The following UBXN2A variants were observed in gnomAD, a reference collection of about 807,000 sequenced individuals.
UBXN2A encodes UBX domain protein 2A.
In UBXN2A, 28 loss-of-function variants were observed where a neutral mutation model predicts 28.4. That is an observed-to-expected ratio of 0.99 (90% CI 0.73 to 1.35). UBXN2A has a LOEUF of 1.35. Among genes scored for constraint, UBXN2A ranks in the 40% most tolerant of loss-of-function variants. The pLI is 0.00. For synonymous variants in UBXN2A, 97 were observed against 103.6 expected (o/e 0.94, Z 0.39); for missense variants, 253 against 297.9 (o/e 0.85, Z 1.11).
At chr2:23,931,332 A>G (rs1705362336) in intron 1 of UBXN2A, among the ~76,000 whole-genome samples, 1 of 151,980 alleles carries the variant, frequency 6.6e-6, no homozygotes, top group South Asian at 2.1e-4. Context: ...ATGTAATCGC[A>G]GATATTCGGA....
At chr2:23,978,216 C>T (rs1352094138) in intron 4 of UBXN2A, among the ~76,000 whole-genome samples, 1 of 152,182 alleles carries the variant, frequency 6.6e-6, no homozygotes, top group Non-Finnish European at 1.5e-5. Flanking sequence ...TAAGTATTTT[C>T]TAATACCTCA....
chr2:23,996,088 T>A (rs1708521079), intron 6 of UBXN2A, among the ~76,000 whole-genome samples: 1 of 138,654 alleles, frequency 7.2e-6, no homozygotes. Context: ...TTTTTTTGAG[T>A]CAGAGTCTTG....
chr2:23,936,117 G>A (rs1487936095), upstream of UBXN2A, among the ~76,000 whole-genome samples: 1 of 152,012 alleles, frequency 6.6e-6, no homozygotes, highest in African/African-American at 2.4e-5. Flanking sequence ...TTAAAAAATT[G>A]AAAGTAAGGA....
At chr2:23,968,205 A>G (rs1356071247) in intron 2 of UBXN2A, among the ~76,000 whole-genome samples, 1 of 152,210 alleles carries the variant, frequency 6.6e-6, no homozygotes, top group African/African-American at 2.4e-5. Flanking sequence ...GGTCTCTGGC[A>G]AATTTCTTAA....
At chr2:23,980,099 A>G (rs1055465426) in intron 4 of UBXN2A, among the ~76,000 whole-genome samples, 14 of 152,272 alleles carry the variant, frequency 9.2e-5, no homozygotes, top group African/African-American at 2.9e-4. Flanking sequence ...GAAAGAAAAA[A>G]AAATCAGATA....
chr2:23,981,871 G>A (rs906665807), intron 4 of UBXN2A, among the ~76,000 whole-genome samples: 1 of 152,140 alleles, frequency 6.6e-6, no homozygotes, highest in African/African-American at 2.4e-5. Context: ...CTGGGAAACA[G>A]AATGAGACCC....
upstream of UBXN2A, among the ~76,000 whole-genome samples, chr2:23,935,614 T>C (rs1320215157): frequency 6.6e-6 from 1 of 152,012 alleles, no homozygotes; most frequent in Non-Finnish European, 1.5e-5. Context: ...ATAACAAGTG[T>C]TGGGAAGATG....
In UBXN2A at chr2:23,948,223, A is replaced by G. The variant is rs1226504934; in HGVS notation, c.-15+7575A>G. On this transcript the variant is annotated intron_variant, in intron 1 of 6. Transcript: ENST00000309033. ...TCATGTCAAAATTAGGACTTTTTAG[A>G]TTAAGTCTGAAGATGTTTCTTTTTC... Among the ~76,000 whole-genome samples the G allele has an allele frequency of 2.7e-5, 4 of 150,000 alleles. 1 individual carries two copies. The South Asian group carries it at 6.4e-4, about 24-fold the overall frequency.
At chr2:23,957,836 A>AAAAT (rs927724676) in intron 1 of UBXN2A, among the ~76,000 whole-genome samples, 20 of 152,078 alleles carry the variant, frequency 1.3e-4, no homozygotes, top group African/African-American at 2.4e-4. Flanking sequence ...CTCCATCTCA[A>AAAAT]AAATAAATAA....
chr2:23,976,747 T>G (rs1003112242), intron 3 of UBXN2A, among the ~76,000 whole-genome samples: 1 of 152,052 alleles, frequency 6.6e-6, no homozygotes, highest in Non-Finnish European at 1.5e-5. Flanking sequence ...ACCATATCAA[T>G]GATTTTGATT....
chr2:23,987,070 G>A (rs921245788), intron 6 of UBXN2A, among the ~76,000 whole-genome samples: 2 of 151,814 alleles, frequency 1.3e-5, no homozygotes, highest in African/African-American at 4.8e-5. Context: ...CCCAGCCTGG[G>A]TGACAGAGCA....
At chr2:23,989,947 A>T (rs772344154) in intron 6 of UBXN2A, among the ~76,000 whole-genome samples, 10 of 152,078 alleles carry the variant, frequency 6.6e-5, no homozygotes, top group Non-Finnish European at 1.3e-4. Context: ...TCTCCTTTCC[A>T]TATTTGTAAC....
intron 1 of UBXN2A, among the ~76,000 whole-genome samples, chr2:23,946,461 T>C (rs1483714693): frequency 6.6e-6 from 1 of 151,916 alleles, no homozygotes; most frequent in Non-Finnish European, 1.5e-5. Context: ...GCTGGGACTA[T>C]AGGCGCACGC....
Position 24,000,266 on chromosome 2 carries a change from G to C in UBXN2A, c.*399G>C, listed in dbSNP as rs767866891. The stretch of plus-strand genomic sequence containing the variant: ...GAGTTTTTAAATAGCTAATACGACC[G>C]GGTACAGTGGTTCATGCCTGTAATC... On this transcript the variant is annotated 3_prime_UTR_variant, in exon 7 of 7. Transcript: ENST00000309033. 1 of 160,164 alleles carries C rather than the reference G, an allele frequency of 6.2e-6. No individual in the cohort carries two copies. Among genetic ancestry groups the C allele is most frequent in the Non-Finnish European group, 1.4e-5 (1 of 73,358 alleles). 9.9% of individuals were successfully genotyped at this position (160,164 alleles called of 1,614,324 possible). A position where few individuals can be genotyped will look rare whatever the true frequency, so the allele number is the denominator to read the frequency against.
chr2:23,956,103 A>G (rs1381537655), intron 1 of UBXN2A, among the ~76,000 whole-genome samples: 9 of 151,800 alleles, frequency 5.9e-5, no homozygotes, highest in African/African-American at 1.5e-4. Context: ...GCCTGAAGTG[A>G]TCCAACTGCC....
intron 1 of UBXN2A, among the ~76,000 whole-genome samples, chr2:23,945,030 A>G (rs1018573464): frequency 2.0e-5 from 3 of 152,192 alleles, no homozygotes; most frequent in Non-Finnish European, 4.4e-5. Flanking sequence ...TTGCTTTCTC[A>G]TCCAAGTCAT....
chr2:23,955,113 A>G (rs1385987829), intron 1 of UBXN2A, among the ~76,000 whole-genome samples: 3 of 151,796 alleles, frequency 2.0e-5, no homozygotes, highest in Non-Finnish European at 4.4e-5. Context: ...TTGTATTTTT[A>G]GTAGAGACGG....
upstream of UBXN2A, among the ~76,000 whole-genome samples, chr2:23,938,072 GGTT>G (rs576188669): frequency 9.4e-4 from 143 of 152,266 alleles, no homozygotes; most frequent in Middle Eastern, 6.8e-3. Context: ...TGGACCGAAA[GGTT>G]GTTATGTGGC....
intron 4 of UBXN2A, among the ~76,000 whole-genome samples, chr2:23,979,284 G>T (rs1707799444): frequency 6.6e-6 from 1 of 152,058 alleles, no homozygotes; most frequent in African/African-American, 2.4e-5. Flanking sequence ...GGCAGAGGTT[G>T]CAGTGAGCTG....
Sources: allele counts gnomAD v4.1 joint callset (sites outside exome capture counted in the v4.1 genomes callset), GRCh38; gene constraint gnomAD v4.1.1; transcripts MANE v1.5; gene names NCBI Gene and HGNC (gene_info 2026-07-23, HGNC 2026-07-21).